Variants in ECE1 observed in about 807,000 individuals in gnomAD.
ECE1 encodes endothelin converting enzyme 1.
ECE1 carries 35 observed loss-of-function variants against 98.6 expected under a neutral mutation model. The observed-to-expected ratio is 0.35, with a 90% confidence interval of 0.27 to 0.47. The LOEUF is 0.47. ECE1 is among the 20% of genes least tolerant of loss of function. The pLI, the probability that ECE1 is intolerant of heterozygous loss-of-function variation, is 1.00. For missense variants in ECE1, 814 were observed against 1,025.3 expected (o/e 0.79, Z 2.81); for synonymous variants, 394 against 407.1 (o/e 0.97, Z 0.39).
chr1:21,225,617 C>T lies in ECE1; in HGVS notation c.1850-177G>A, dbSNP rs2098173162. On this transcript the variant is annotated intron_variant, in intron 16 of 18. Coordinates refer to ENST00000374893, the MANE Select transcript of ECE1 (RefSeq NM_001397.3). This position sits in a 1 kb window ranked among gnomAD's most constrained non-coding sequence, Gnocchi z 5.3. Reference sequence around the variant, plus strand: ...CGTGGATGTGGTGGCCAGTCAGAGGCGGGAGAGGATGAAGGAGAGAAATCG... The same window carrying T: ...CGTGGATGTGGTGGCCAGTCAGAGGTGGGAGAGGATGAAGGAGAGAAATCG... 1.3e-5 allele frequency among the ~76,000 whole-genome samples: 2 copies of T among 151,544 alleles called. No homozygotes were observed.
chr1:21,291,385 A>G (rs1225083555), upstream of ECE1, among the ~76,000 whole-genome samples: 1 of 152,204 alleles, frequency 6.6e-6, no homozygotes, highest in Non-Finnish European at 1.5e-5. Flanking sequence ...TCACAGTCAC[A>G]CATATGTGTG....
intron 10 of ECE1, among the ~76,000 whole-genome samples, chr1:21,242,474 A>G (rs1361310589): frequency 6.6e-6 from 1 of 152,214 alleles, no homozygotes; most frequent in Non-Finnish European, 1.5e-5. Context: ...CCAAGGTCAC[A>G]CAGCTAGGAG....
chr1:21,278,107 T>C (rs1031773093), intron 3 of ECE1, among the ~76,000 whole-genome samples: 22 of 152,214 alleles, frequency 1.4e-4, no homozygotes, highest in African/African-American at 5.3e-4. Context: ...ACCGAGTCAG[T>C]GGGTGGGATG....
rs534780381 is a variant in ECE1, at chr1:21,311,498, C to T, written c.4-21342G>A. ...GACCAGCCTGGGGAACATAGTGAGA[C>T]CCTGTCTCCACAAAAAAAAAAAAAA... On this transcript the variant is annotated intron_variant, in intron 1 of 18. Coordinates refer to the ECE1 transcript ENST00000415912. Among the ~76,000 whole-genome samples the T allele has an allele frequency of 1.3e-3, 137 of 105,172 alleles. 1 individual carries two copies. Among genetic ancestry groups the T allele is most frequent in the African/African-American group, 4.8e-3 (134 of 27,758 alleles). The allele number at this position is 105,172 out of a possible 152,430, so 69.0% of individuals were successfully genotyped here. A position where few individuals can be genotyped will look rare whatever the true frequency, so the allele number is the denominator to read the frequency against.
chr1:21,289,940 G>T, intron 2 of ECE1, 130 bp downstream of exon 2: 1 of 1,181,862 alleles, frequency 8.5e-7, no homozygotes, highest in Non-Finnish European at 1.1e-6. Flanking sequence ...GGCCCCTCCC[G>T]GATGCCGGGA....
At chr1:21,329,630 T>C (rs545136315) in intron 1 of ECE1, among the ~76,000 whole-genome samples, 1 of 152,340 alleles carries the variant, frequency 6.6e-6, no homozygotes, top group African/African-American at 2.4e-5. Flanking sequence ...ACAGTTCATG[T>C]GCTCGGGGCA....
chr1:21,264,309 T>TCCC (rs752018050), intron 4 of ECE1, among the ~76,000 whole-genome samples: 4 of 71,238 alleles, frequency 5.6e-5, no homozygotes, highest in East Asian at 9.5e-4. Context: ...ATATACCAAT[T>TCCC]CCCCCCCCCC....
intron 12 of ECE1, among the ~76,000 whole-genome samples, chr1:21,236,436 G>T (rs1198039882): frequency 6.6e-6 from 1 of 152,234 alleles, no homozygotes; most frequent in East Asian, 1.9e-4. Flanking sequence ...GATCACCTGA[G>T]GTCGGGAGTT....
Position 21,227,152 on chromosome 1 carries a change from T to C in ECE1, c.1849+7A>G. On this transcript the variant is annotated splice_region_variant and intron_variant, in intron 16 of 18. Transcript: ENST00000374893. The stretch of plus-strand genomic sequence containing the variant: ...CATGAGCCATCGTGCCCAGCTGGAA[T>C]TCGTACCTTGATCATCAAAAGCATG... The C allele has an allele frequency of 2.5e-6, 4 of 1,613,870 alleles. No individual in the cohort carries two copies. Among genetic ancestry groups the C allele is most frequent in the Non-Finnish European group, 3.4e-6 (4 of 1,179,892 alleles).
At chr1:21,329,852 G>A (rs1020034297) in intron 1 of ECE1, among the ~76,000 whole-genome samples, 6 of 152,200 alleles carry the variant, frequency 3.9e-5, no homozygotes, top group African/African-American at 1.4e-4. Context: ...GCAAAAGCAG[G>A]AATTGGATGG....
intron 2 of ECE1, among the ~76,000 whole-genome samples, chr1:21,286,203 A>T (rs1158042701): frequency 6.6e-6 from 1 of 152,212 alleles, no homozygotes; most frequent in East Asian, 1.9e-4. Context: ...CTTCAGCTAT[A>T]TCCCTTCCTG....
At chr1:21,252,153 A>G (rs1047489600) in intron 8 of ECE1, among the ~76,000 whole-genome samples, 1 of 152,248 alleles carries the variant, frequency 6.6e-6, no homozygotes, top group Non-Finnish European at 1.5e-5. Flanking sequence ...TAAGACGGTG[A>G]GAAATCCCTG....
intron 4 of ECE1, chr1:21,266,765 G>T (rs949237715): frequency 6.6e-6 from 1 of 152,192 alleles, no homozygotes; most frequent in African/African-American, 2.4e-5. Context: ...GTAAGAGGTT[G>T]GGTAACTCGT....
intron 3 of ECE1, among the ~76,000 whole-genome samples, chr1:21,276,777 C>T (rs1200279547): frequency 6.6e-6 from 1 of 151,858 alleles, no homozygotes; most frequent in East Asian, 1.9e-4. Flanking sequence ...CCTCTGCCTC[C>T]CAGGTTCAAG....
At chr1:21,229,766 TG>T (rs1251578693) in intron 14 of ECE1, among the ~76,000 whole-genome samples, 6 of 152,178 alleles carry the variant, frequency 3.9e-5, no homozygotes, top group African/African-American at 9.7e-5. Flanking sequence ...TAAGACTCAG[TG>T]AACCATTGTT....
At chr1:21,248,326 A>ACCATGC (rs1373908566) in intron 8 of ECE1, among the ~76,000 whole-genome samples, 1 of 152,002 alleles carries the variant, frequency 6.6e-6, no homozygotes, top group African/African-American at 2.4e-5. Flanking sequence ...GGCACCCACC[A>ACCATGC]CCATGCCCAC....
chr1:21,263,091 G>A (rs1180433354), intron 4 of ECE1, among the ~76,000 whole-genome samples: 1 of 152,172 alleles, frequency 6.6e-6, no homozygotes, highest in Admixed American at 6.5e-5. Flanking sequence ...GCAAGGCCCC[G>A]GGGAAGCTTC....
rs2098164910 is a variant in ECE1, at chr1:21,219,691, C to A, written c.*264G>T. 3 of 538,462 alleles carry A rather than the reference C, an allele frequency of 5.6e-6. No homozygotes were observed. In the African/African-American group the frequency reaches 5.7e-5, roughly 10 times the overall value. The allele number at this position is 538,462 out of a possible 1,614,324, so 33.4% of individuals were successfully genotyped here. The stretch of plus-strand genomic sequence containing the variant: ...GGCGCTTGTCAGTGTGGGGCCCAGG[C>A]CTGATGAGCCACCAGCCCAGCACCC... On this transcript the variant is annotated 3_prime_UTR_variant, in exon 19 of 19. Transcript: ENST00000374893. The surrounding 1 kb of genome is among the most constrained non-coding windows in gnomAD (Gnocchi z 4.5).
At chr1:21,223,143 T>A (rs2098169627) in intron 17 of ECE1, among the ~76,000 whole-genome samples, 1 of 151,762 alleles carries the variant, frequency 6.6e-6, no homozygotes, top group African/African-American at 2.4e-5. Flanking sequence ...CCCAGCTAAT[T>A]TTTTTGTATT....
Sources: gnomAD v4.1 joint callset for allele counts (sites outside exome capture counted in the v4.1 genomes callset) on GRCh38, gnomAD v4.1.1 for gene constraint, Gnocchi (gnomAD v3.1) non-coding constraint, MANE v1.5 for transcripts, NCBI Gene and HGNC (gene_info 2026-07-23, HGNC 2026-07-21) for gene names.